Variants in MPRIP observed in about 807,000 individuals in gnomAD.
The protein encoded by MPRIP is myosin phosphatase Rho interacting protein, also known as myosin phosphatase Rho-interacting protein.
MPRIP carries 59 observed loss-of-function variants against 234.9 expected under a neutral mutation model. That is an observed-to-expected ratio of 0.25 (90% CI 0.20 to 0.31). The LOEUF (loss-of-function observed/expected upper bound fraction) is 0.31, where lower values mean the gene tolerates loss of function less well. Among genes scored for constraint, MPRIP ranks in the 10% least tolerant of loss-of-function variants. The probability of loss-of-function intolerance (pLI) is 1.00; values close to 1 mark genes in which losing one functional copy is unlikely to be tolerated. For missense variants in MPRIP, 2,436 were observed against 3,071.0 expected, an observed-to-expected ratio of 0.79 and a Z score of 4.89; for synonymous variants, 1,144 against 1,263.9, an observed-to-expected ratio of 0.91 and a Z score of 2.01.
At chr17:17,142,839 C>A (rs1318123474) in intron 8 of MPRIP, 74 bp downstream of exon 8, 9 of 1,526,624 alleles carry the variant, frequency 5.9e-6, no homozygotes, top group Admixed American at 1.8e-5. Context: ...TGCGCCAAGT[C>A]CCCTCCACAC....
intron 18 of MPRIP, 120 bp from the exon 19 acceptor site, chr17:17,173,796 G>A: frequency 2.5e-6 from 3 of 1,183,096 alleles, no homozygotes; most frequent in East Asian, 2.4e-5. Context: ...GGCTGATTAA[G>A]ACAACAGACT....
At chr17:17,109,586 T>C (rs761652926) in intron 3 of MPRIP, among the ~76,000 whole-genome samples, 12 of 152,210 alleles carry the variant, frequency 7.9e-5, no homozygotes, top group Non-Finnish European at 1.6e-4. Flanking sequence ...TTTATAGATA[T>C]GTGGTATGCC....
Position 17,042,843 on chromosome 17 carries a change from C to G in MPRIP, c.-6C>G, listed in dbSNP as rs768007463. On this transcript the variant is annotated 5_prime_UTR_variant, in exon 1 of 24. Coordinates refer to ENST00000651222, the MANE Select transcript of MPRIP (RefSeq NM_001364716.4). ...CGCCGCCGCCGCCGTCGCCGCCGCG[C>G]CGACCATGTCGGCAGCCAAGGAGAA... The G allele has an allele frequency of 1.3e-6, 2 of 1,525,676 alleles. No individual in the cohort carries two copies. Among genetic ancestry groups the G allele is most frequent in the South Asian group, 2.4e-5 (2 of 84,436 alleles). 94.5% of individuals were successfully genotyped at this position (1,525,676 alleles called of 1,614,324 possible).
At chr17:17,153,900 C>CA (rs1428901894) in intron 12 of MPRIP, among the ~76,000 whole-genome samples, 1 of 152,142 alleles carries the variant, frequency 6.6e-6, no homozygotes, top group Non-Finnish European at 1.5e-5. Flanking sequence ...GCCCAACACA[C>CA]ACGCCCTTCC....
chr17:17,147,951 A>G (rs1166133801), intron 11 of MPRIP, among the ~76,000 whole-genome samples: 1 of 152,212 alleles, frequency 6.6e-6, no homozygotes, highest in Non-Finnish European at 1.5e-5. Context: ...CAGTTTGGCA[A>G]GTCTCCTTTG....
intron 14 of MPRIP, among the ~76,000 whole-genome samples, chr17:17,159,406 A>G (rs2045813598): frequency 6.6e-6 from 1 of 152,370 alleles, no homozygotes; most frequent in South Asian, 2.1e-4. Context: ...GACCAGCCCC[A>G]GGTGCTCTTA....
At chr17:17,151,358 G>A (rs1430784811) in intron 12 of MPRIP, among the ~76,000 whole-genome samples, 2 of 152,182 alleles carry the variant, frequency 1.3e-5, no homozygotes, top group Non-Finnish European at 2.9e-5. Flanking sequence ...CTGGGACTGG[G>A]GGAGTCACAG....
Position 17,158,464 on chromosome 17 carries a change from G to C in MPRIP, c.1862G>C (p.Cys621Ser). 1 of 1,588,348 alleles carries C rather than the reference G, an allele frequency of 6.3e-7. No individual in the cohort carries two copies. Among genetic ancestry groups the C allele is most frequent in the Non-Finnish European group, 8.6e-7 (1 of 1,168,776 alleles). Residue 621 changes from cysteine to serine, a missense_variant, in exon 14 of 24, where the codon TGC becomes TCC. By Grantham distance (112) the Cys-to-Ser change is moderately radical. Around this residue, in one of 4 missense-constraint regions of MPRIP, gnomAD observed 1,998 missense variants for 2,520.3 expected, o/e 0.79. Transcript: ENST00000651222. Reference protein sequence around the residue: ...SLPEEKNKSSCSFETCPRPTE... With the variant: ...SLPEEKNKSSSSFETCPRPTE... ...CCAGAGGAAAAAAACAAGAGCAGCT[G>C]CTCTTTTGAGACCTGCCCGAGGCCT...
intron 1 of MPRIP, among the ~76,000 whole-genome samples, chr17:17,067,790 CTTTTTT>C (rs35187618): frequency 3.8e-4 from 29 of 76,748 alleles, no homozygotes; most frequent in Admixed American, 2.0e-3. Context: ...CTTCTTCTTC[CTTTTTT>C]TTTTTTTTTT....
intron 9 of MPRIP, among the ~76,000 whole-genome samples, chr17:17,144,642 G>A (rs1428171228): frequency 1.3e-5 from 2 of 152,200 alleles, no homozygotes; most frequent in African/African-American, 4.8e-5. Context: ...CAGATCACGA[G>A]GTCAAGAGAT....
chr17:17,146,125 G>C (rs1436842731), intron 10 of MPRIP, 33 bp downstream of exon 10: 1 of 1,600,736 alleles, frequency 6.2e-7, no homozygotes, highest in East Asian at 2.2e-5. Flanking sequence ...GCCCCTGAGG[G>C]ATCTGGGGAC....
intron 1 of MPRIP, among the ~76,000 whole-genome samples, chr17:17,063,124 G>C (rs548462207): frequency 6.6e-6 from 1 of 152,250 alleles, no homozygotes. Flanking sequence ...AGTGACCTGG[G>C]AGCTCAGGTG....
Position 17,136,279 on chromosome 17 carries a change from A to ATCC in MPRIP, c.565_566insTCC (p.Ser189delinsIleArg). On this transcript the variant is annotated protein_altering_variant, in exon 6 of 24. Coordinates refer to ENST00000651222, the MANE Select transcript of MPRIP (RefSeq NM_001364716.4). ...CAGCAGCAGCAGCAGCAGCAGCAGC[A>ATCC]GCATCCCCAGTGCTGAGAAAGTCCC... is the stretch of plus-strand genomic sequence containing the variant. 1 of 1,611,472 alleles carries ATCC rather than the reference A, an allele frequency of 6.2e-7. No homozygotes were observed. Among genetic ancestry groups the ATCC allele is most frequent in the South Asian group, 1.1e-5 (1 of 90,668 alleles).
At chr17:17,147,119 C>T (rs1466451809) in intron 10 of MPRIP, among the ~76,000 whole-genome samples, 200 bp from the exon 11 acceptor site, 1 of 150,810 alleles carries the variant, frequency 6.6e-6, no homozygotes, top group Non-Finnish European at 1.5e-5. Context: ...GCTTAGTGAG[C>T]GTCCTGAGGG....
At chr17:17,173,503 C>T (rs2046189494) in intron 18 of MPRIP, among the ~76,000 whole-genome samples, 1 of 152,224 alleles carries the variant, frequency 6.6e-6, no homozygotes, top group African/African-American at 2.4e-5. Flanking sequence ...CCTCCTGGAT[C>T]CAGGGTGGCA....
chr17:17,123,491 C>T (rs1010566528), intron 3 of MPRIP, among the ~76,000 whole-genome samples: 1 of 151,824 alleles, frequency 6.6e-6, no homozygotes. Context: ...GGTGAAACCC[C>T]GTCTCTACTA....
In MPRIP at chr17:17,152,155, G is replaced by A. The variant is rs188075725; in HGVS notation, c.1719+1922G>A. ...CTGCGAGAGGAGCTGAGTCACAGTT[G>A]GAGGCTACACTGACAGCCTGGCACC... On this transcript the variant is annotated intron_variant, in intron 12 of 23. Coordinates refer to ENST00000651222, the MANE Select transcript of MPRIP (RefSeq NM_001364716.4). Among the ~76,000 whole-genome samples the A allele has an allele frequency of 2.6e-5, 4 of 152,366 alleles. No homozygotes were observed. The East Asian group carries it at 7.7e-4, about 29-fold the overall frequency.
At position 17,164,848 on chromosome 17, in the gene MPRIP, T is replaced by C. The variant is rs1252748513; in HGVS notation, c.3257T>C (p.Leu1086Pro). The C allele has an allele frequency of 7.7e-7, 1 of 1,304,092 alleles. No individual in the cohort carries two copies. The highest frequency in any genetic ancestry group is 5.5e-5 in the East Asian group (1 of 18,028). 80.8% of individuals were successfully genotyped at this position (1,304,092 alleles called of 1,614,324 possible). A position where few individuals can be genotyped will look rare whatever the true frequency, so the allele number is the denominator to read the frequency against. ...CAGGTGCACCAGCTGGAGGAGCAGC[T>C]GGAGGCACGAGAGGCCAGCGTGCGC... ...SEQVHQLEEQLEAREASVRRL... is the reference protein window; with the variant it reads ...SEQVHQLEEQPEAREASVRRL... The change falls in exon 16 of 24, where the codon CTG (leucine) becomes CCG (proline). Residue 1086 changes from leucine (L) to proline (P), a missense_variant. Physicochemically the swap from Leu to Pro is moderately conservative, Grantham distance 98. Coordinates refer to ENST00000651222, the MANE Select transcript of MPRIP (RefSeq NM_001364716.4).
In MPRIP at chr17:17,176,462, C is replaced by T. The variant is rs773547202; in HGVS notation, c.6907C>T (p.Leu2303=). Residue 2303 remains leucine (L), a synonymous_variant, in exon 21 of 24, where the codon CTG becomes TTG. Coordinates refer to ENST00000651222, the MANE Select transcript of MPRIP (RefSeq NM_001364716.4). ...LRVKESEIQY[L]KQEISSLKDE... ...GGTAAAGGAATCGGAAATACAGTAC[C>T]TGAAACAGGAGATTAGCTCCCTCAA... 1.9e-6 allele frequency: 3 copies of T among 1,614,006 alleles called. No individual in the cohort carries two copies. Among genetic ancestry groups the T allele is most frequent in the African/African-American group, 1.3e-5 (1 of 74,922 alleles).
Sources: gnomAD v4.1 joint callset for allele counts (sites outside exome capture counted in the v4.1 genomes callset) on GRCh38, gnomAD v4.1.1 for gene constraint, gnomAD v4.1.1 regional missense constraint, MANE v1.5 for transcripts, NCBI Gene and HGNC (gene_info 2026-07-23, HGNC 2026-07-21) for gene names.